HCN1: variants seen among roughly 807,000 people sequenced by gnomAD.
HCN1 encodes the protein potassium/sodium hyperpolarization-activated cyclic nucleotide-gated channel 1.
Under a neutral mutation model 78.9 loss-of-function variants are expected in HCN1, and 13 were observed. That is an observed-to-expected ratio of 0.16 (90% CI 0.11 to 0.26). HCN1 has a LOEUF of 0.26. HCN1 is among the 10% of genes least tolerant of loss of function. The pLI is 1.00. For missense variants in HCN1, 810 were observed against 1,154.3 expected (o/e 0.70, Z 4.32); for synonymous variants, 552 against 455.5 (o/e 1.21, Z -2.70).
intron 6 of HCN1, among the ~76,000 whole-genome samples, chr5:45,269,575 G>A (rs777603065): frequency 1.1e-3 from 171 of 152,156 alleles, no homozygotes; most frequent in Non-Finnish European, 2.0e-3. Flanking sequence ...GTAAATAGGC[G>A]GGGAGCTTGT....
chr5:45,350,890 G>A (rs1166292984), intron 5 of HCN1, among the ~76,000 whole-genome samples: 2 of 152,148 alleles, frequency 1.3e-5, no homozygotes, highest in African/African-American at 2.4e-5. Flanking sequence ...ACAAACAAAT[G>A]GAAGAACATT....
rs770590161 is a variant in HCN1 at position 45,257,792 on chromosome 5, T to C, written c.*4129A>G. 1.3e-5 allele frequency: 2 copies of C among 152,178 alleles called. No individual in the cohort carries two copies. Among genetic ancestry groups the C allele is most frequent in the African/African-American group, 2.4e-5 (1 of 41,428 alleles). The allele number at this position is 152,178 out of a possible 1,614,324, so 9.4% of individuals were successfully genotyped here. Reference sequence around the variant, plus strand: ...CTATTTTTCCTTGAAAATAACCATATTGAATACAGTTATAGAACTGTATTT... The same window carrying C: ...CTATTTTTCCTTGAAAATAACCATACTGAATACAGTTATAGAACTGTATTT... On this transcript the variant is annotated 3_prime_UTR_variant, in exon 8 of 8. Transcript: ENST00000303230.
intron 2 of HCN1, among the ~76,000 whole-genome samples, chr5:45,554,799 A>T (rs887770649): frequency 6.6e-6 from 1 of 151,766 alleles, no homozygotes; most frequent in Non-Finnish European, 1.5e-5. Context: ...GATCTGAAAA[A>T]CTTTCTAACT....
chr5:45,413,550 T>C (rs916663256), intron 3 of HCN1, among the ~76,000 whole-genome samples: 2 of 152,056 alleles, frequency 1.3e-5, no homozygotes, highest in African/African-American at 4.8e-5. Flanking sequence ...TTCCATAGTT[T>C]GTTAGCTACA....
At chr5:45,294,659 A>G (rs1488839819) in intron 6 of HCN1, among the ~76,000 whole-genome samples, 1 of 152,082 alleles carries the variant, frequency 6.6e-6, no homozygotes, top group Non-Finnish European at 1.5e-5. Context: ...ACATTTTAAT[A>G]TGGTTTGTTA....
At chr5:45,418,140 T>G (rs913643881) in intron 3 of HCN1, among the ~76,000 whole-genome samples, 1 of 151,904 alleles carries the variant, frequency 6.6e-6, no homozygotes, top group Non-Finnish European at 1.5e-5. Flanking sequence ...ATTGATTTTA[T>G]CAATAGATAC....
intron 2 of HCN1, among the ~76,000 whole-genome samples, chr5:45,471,162 C>A (rs1421553558): frequency 2.0e-5 from 3 of 151,814 alleles, no homozygotes; most frequent in East Asian, 3.9e-4. Context: ...GGTTTAATTT[C>A]TTTAGTGAAA....
chr5:45,344,349 C>T (rs1746652515), intron 5 of HCN1, among the ~76,000 whole-genome samples: 1 of 152,100 alleles, frequency 6.6e-6, no homozygotes. Context: ...CATTCCACCC[C>T]TGCCCCCTAC....
chr5:45,588,646 C>T (rs574477717), intron 2 of HCN1, among the ~76,000 whole-genome samples: 12 of 152,298 alleles, frequency 7.9e-5, no homozygotes, highest in African/African-American at 2.9e-4. Flanking sequence ...CTTTTAACTA[C>T]TACTAACTCA....
At chr5:45,363,236 G>C (rs914992936) in intron 4 of HCN1, among the ~76,000 whole-genome samples, 1 of 149,326 alleles carries the variant, frequency 6.7e-6, no homozygotes, top group Non-Finnish European at 1.5e-5. Context: ...TTCCTTGTAA[G>C]CTGACCCACC....
intron 2 of HCN1, among the ~76,000 whole-genome samples, chr5:45,547,123 C>A (rs1187020015): frequency 6.6e-6 from 1 of 151,882 alleles, no homozygotes; most frequent in Non-Finnish European, 1.5e-5. Flanking sequence ...TTAATAGGTT[C>A]TTTATTGCCA....
intron 4 of HCN1, among the ~76,000 whole-genome samples, chr5:45,357,282 T>C (rs1434761248): frequency 6.6e-6 from 1 of 152,112 alleles, no homozygotes; most frequent in Non-Finnish European, 1.5e-5. Context: ...GTTGACTCCA[T>C]ATAGAATTCT....
intron 2 of HCN1, among the ~76,000 whole-genome samples, chr5:45,474,745 C>T (rs1741478186): frequency 1.3e-5 from 2 of 151,880 alleles, no homozygotes; most frequent in South Asian, 2.1e-4. Context: ...TTCACTCCTC[C>T]AACTATGGGT....
chr5:45,651,700 G>C (rs1414552033), intron 1 of HCN1, among the ~76,000 whole-genome samples: 2 of 151,826 alleles, frequency 1.3e-5, no homozygotes, highest in Non-Finnish European at 2.9e-5. Flanking sequence ...TTAATACTAA[G>C]ATTCACACTG....
intron 6 of HCN1, among the ~76,000 whole-genome samples, chr5:45,299,484 T>C (rs1465974135): frequency 6.6e-6 from 1 of 151,982 alleles, no homozygotes; most frequent in Non-Finnish European, 1.5e-5. Context: ...TTTTTCAACA[T>C]ACTGGTGATT....
In HCN1 at chr5:45,329,473, A is replaced by T. The variant is rs150399042; in HGVS notation, c.1377+23627T>A. Among the ~76,000 whole-genome samples the T allele has an allele frequency of 4.8e-4, 72 of 151,486 alleles. 1 individual carries two copies. The East Asian group carries it at 0.013, about 27-fold the overall frequency. On this transcript the variant is annotated intron_variant, in intron 5 of 7. Coordinates refer to ENST00000303230, the MANE Select transcript of HCN1 (RefSeq NM_021072.4). ...GGAAAAATCAAGGAAAAGGCACAGG[A>T]GTCTGGATCTCTCTTATTACAATAA...
intron 5 of HCN1, among the ~76,000 whole-genome samples, chr5:45,351,057 C>T (rs886854743): frequency 1.6e-4 from 24 of 152,130 alleles, no homozygotes; most frequent in South Asian, 4.2e-4. Context: ...AAAAAGAGCC[C>T]GCATCACCAA....
At position 45,265,061 on chromosome 5, in the gene HCN1, A is replaced by G. The variant is rs572304716; in HGVS notation, c.1783+2028T>C. On this transcript the variant is annotated intron_variant, in intron 7 of 7. Coordinates refer to ENST00000303230, the MANE Select transcript of HCN1 (RefSeq NM_021072.4). ...AAATATTAGCAGGGCGTGGCAGTGC[A>G]CACCTGCAGTCCCAGCTACTCAGGA... Among the ~76,000 whole-genome samples the G allele has an allele frequency of 2.6e-5, 4 of 152,138 alleles. No homozygotes were observed. In the South Asian group the frequency reaches 6.2e-4, roughly 24 times the overall value.
intron 4 of HCN1, among the ~76,000 whole-genome samples, chr5:45,384,268 A>G (rs1349524454): frequency 6.6e-6 from 1 of 152,198 alleles, no homozygotes; most frequent in African/African-American, 2.4e-5. Flanking sequence ...AGATGAATGT[A>G]ATAAGATACT....
Sources: gnomAD v4.1 joint callset for allele counts (sites outside exome capture counted in the v4.1 genomes callset) on GRCh38, gnomAD v4.1.1 for gene constraint, MANE v1.5 for transcripts, NCBI Gene and HGNC (gene_info 2026-07-23, HGNC 2026-07-21) for gene names.